The following MLXIP variants were observed in gnomAD, a reference collection of about 807,000 sequenced individuals.
MLXIP encodes MLX interacting protein.
MLXIP carries 30 observed loss-of-function variants against 87.2 expected under a neutral mutation model. The ratio of observed to expected loss-of-function variants is 0.34; its 90% CI spans 0.26 to 0.47. MLXIP has a LOEUF of 0.47. Ranked by LOEUF, MLXIP falls within the 20% of genes least tolerant of loss-of-function variation. MLXIP has a pLI of 1.00. For synonymous variants in MLXIP, 530 were observed against 514.0 expected (o/e 1.03, Z -0.42); for missense variants, 1,002 against 1,240.1 (o/e 0.81, Z 2.88).
intron 6 of MLXIP, among the ~76,000 whole-genome samples, 196 bp from the exon 7 acceptor site, chr12:122,130,648 C>T (rs991895494): frequency 2.6e-5 from 4 of 151,964 alleles, no homozygotes; most frequent in African/African-American, 9.7e-5. Flanking sequence ...ATTTTACCTT[C>T]CTGGCAAAAA....
chr12:122,095,413 G>C (rs1952337119), intron 1 of MLXIP, among the ~76,000 whole-genome samples: 1 of 151,992 alleles, frequency 6.6e-6, no homozygotes, highest in South Asian at 2.1e-4. Flanking sequence ...ATTTGGAAAG[G>C]TGTTGGCAAG....
In MLXIP at chr12:122,138,493, A is replaced by T. The variant is rs1953135421; in HGVS notation, c.2326A>T (p.Met776Leu). The change falls in exon 14 of 17, where the codon ATG becomes TTG. Residue 776 changes from methionine to leucine, a missense_variant. Physicochemically the swap from Met to Leu is conservative, Grantham distance 15. Transcript: ENST00000319080. Reference protein sequence around the residue: ...ITKLQQERGQMQEEARRLREE... With the variant: ...ITKLQQERGQLQEEARRLREE... The stretch of plus-strand genomic sequence containing the variant: ...CAAGCTGCAGCAGGAGAGAGGCCAG[A>T]TGCAGGAGGAGGCCCGGCGGCTGCG... 6.2e-7 allele frequency: 1 copy of T among 1,613,970 alleles called. No individual in the cohort carries two copies. The highest frequency in any genetic ancestry group is 8.5e-7 in the Non-Finnish European group (1 of 1,179,882).
chr12:122,095,127 G>T (rs1288684837), intron 1 of MLXIP, among the ~76,000 whole-genome samples: 2 of 145,416 alleles, frequency 1.4e-5, no homozygotes, highest in African/African-American at 5.1e-5. Context: ...TGGGGTGTGG[G>T]TATGTGTGTG....
At position 122,135,467 on chromosome 12, in the gene MLXIP, C is replaced by T. The variant is rs1953071433; in HGVS notation, c.1855-22C>T. Reference sequence around the variant, plus strand: ...GCTGTATATCAGCAGTCAGGGGTGACCTGTCTCCCATGTCACTGCAGGCTC... The same window carrying T: ...GCTGTATATCAGCAGTCAGGGGTGATCTGTCTCCCATGTCACTGCAGGCTC... On this transcript the variant is annotated intron_variant, in intron 10 of 16. Transcript: ENST00000319080. The surrounding 1 kb of genome is among the most constrained non-coding windows in gnomAD (Gnocchi z 5.3). 1 of 1,609,314 alleles carries T rather than the reference C, an allele frequency of 6.2e-7. No individual in the cohort carries two copies. Among genetic ancestry groups the T allele is most frequent in the African/African-American group, 1.3e-5 (1 of 74,866 alleles).
At chr12:122,094,506 GTGGTGTGTTGGTGT>G (rs1952314885) in intron 1 of MLXIP, among the ~76,000 whole-genome samples, 2 of 119,328 alleles carry the variant, frequency 1.7e-5, no homozygotes, top group South Asian at 2.9e-4. Context: ...GTCTGTGTGT[GTGGTGTGTTGGTGT>G]GTGTGTTGTG....
chr12:122,084,018 AAC>A (rs973561960), intron 1 of MLXIP, among the ~76,000 whole-genome samples: 4 of 152,082 alleles, frequency 2.6e-5, no homozygotes, highest in East Asian at 3.9e-4. Flanking sequence ...GAGATGAAAA[AAC>A]ACAGTCTCTC....
At position 122,141,716 on chromosome 12, in the gene MLXIP, G is replaced by T. The variant is rs1479712006; in HGVS notation, c.2664G>T (p.Leu888=). 6.2e-7 allele frequency: 1 copy of T among 1,613,838 alleles called. No homozygotes were observed. ...TGGTATTGAGCACGCTGCGGCAGCTGAGCACCTCCACCTCCATCCTCACAG... is the reference window on the plus strand; with the variant it reads ...TGGTATTGAGCACGCTGCGGCAGCTTAGCACCTCCACCTCCATCCTCACAG... ...RPMVLSTLRQ[L]STSTSILTDP... is the part of the protein sequence containing the mutation. The change falls in exon 17 of 17, where the codon CTG becomes CTT. Residue 888 remains leucine (L), a synonymous_variant. Transcript: ENST00000319080.
Position 122,126,905 on chromosome 12 carries a change from TCA to T in MLXIP, c.414-349_414-348del, listed in dbSNP as rs772017612. ...AACCTTTGCTCCTCCTGGAGGGCAC[TCA>T]CTGCATGCCCAGTGTTCAGTTTGTT... On this transcript the variant is annotated intron_variant, in intron 1 of 16. Coordinates refer to ENST00000319080, the MANE Select transcript of MLXIP (RefSeq NM_014938.6). 5.4e-4 allele frequency among the ~76,000 whole-genome samples: 82 copies of T among 152,300 alleles called. No homozygotes were observed. The Middle Eastern group carries it at 0.01, about 19-fold the overall frequency.
At chr12:122,093,299 T>G (rs2135909005) in intron 1 of MLXIP, among the ~76,000 whole-genome samples, 1 of 146,318 alleles carries the variant, frequency 6.8e-6, no homozygotes, top group East Asian at 2.0e-4. Flanking sequence ...GTATGTAGTG[T>G]GTGTGTGGTG....
intron 1 of MLXIP, among the ~76,000 whole-genome samples, chr12:122,104,103 T>C (rs1001376362): frequency 1.3e-5 from 2 of 152,222 alleles, no homozygotes; most frequent in Non-Finnish European, 2.9e-5. Flanking sequence ...ACTCCTTACA[T>C]TATCCCCAAC....
chr12:122,130,814 A>G (rs1317406170), intron 6 of MLXIP, 30 bp from the exon 7 acceptor site: 1 of 1,529,210 alleles, frequency 6.5e-7, no homozygotes, highest in Non-Finnish European at 9.1e-7. Flanking sequence ...TGAGAAGACA[A>G]AATGGTTCCT....
rs376767698 is a variant in MLXIP at position 122,110,902 on chromosome 12, C to A, written c.414-16354C>A. ...ACCATCCTGGCTAACATGGTGAAAC[C>A]CCGTCTCTACTAAAAATACAAAAAA... is the stretch of plus-strand genomic sequence containing the variant. On this transcript the variant is annotated intron_variant, in intron 1 of 16. Transcript: ENST00000319080. 3.8e-3 allele frequency among the ~76,000 whole-genome samples: 573 copies of A among 151,872 alleles called. 5 individuals carry two copies. The highest frequency in any genetic ancestry group is 0.013 in the African/African-American group (542 of 41,428).
chr12:122,085,821 G>A (rs1274987181), intron 1 of MLXIP, among the ~76,000 whole-genome samples: 1 of 152,138 alleles, frequency 6.6e-6, no homozygotes, highest in African/African-American at 2.4e-5. Flanking sequence ...GTGGTGGGCA[G>A]ATTAATGGCC....
chr12:122,105,741 C>A (rs1166876595), intron 1 of MLXIP, among the ~76,000 whole-genome samples: 1 of 151,780 alleles, frequency 6.6e-6, no homozygotes, highest in Non-Finnish European at 1.5e-5. Flanking sequence ...GATTGTGCCA[C>A]TGCAGTCCGG....
At chr12:122,090,054 T>C (rs1246361797) in intron 1 of MLXIP, among the ~76,000 whole-genome samples, 2 of 152,204 alleles carry the variant, frequency 1.3e-5, no homozygotes, top group African/African-American at 4.8e-5. Flanking sequence ...ACTGGAGTCA[T>C]GGTTACCAAC....
intron 1 of MLXIP, among the ~76,000 whole-genome samples, chr12:122,123,529 A>G (rs866278108): frequency 6.6e-6 from 1 of 152,194 alleles, no homozygotes; most frequent in Non-Finnish European, 1.5e-5. Flanking sequence ...GAGAGGAAGA[A>G]GAGGGGACCC....
At chr12:122,104,501 C>T (rs1449857326) in intron 1 of MLXIP, among the ~76,000 whole-genome samples, 1 of 152,002 alleles carries the variant, frequency 6.6e-6, no homozygotes, top group African/African-American at 2.4e-5. Context: ...TGCGTTTTCT[C>T]CATTCATGTG....
Position 122,079,265 on chromosome 12 carries a change from A to C in MLXIP, c.412A>C (p.Ser138Arg). ...CTTCGAGTGCATGACTTTGGCCTAC[A>C]GGTAGGGACCCCCGCGACCCCCTGA... ...KLFECMTLAYSGKLVSPKWKN... is the reference protein window; with the variant it reads ...KLFECMTLAYRGKLVSPKWKN... Residue 138 changes from serine to arginine, a missense_variant and splice_region_variant, in exon 1 of 17, where the codon AGT becomes CGT. By Grantham distance (110) the Ser-to-Arg change is moderately radical. This residue lies in a region of MLXIP where 127 missense variants were observed against 239.0 expected (regional missense o/e 0.53). Coordinates refer to ENST00000319080, the MANE Select transcript of MLXIP (RefSeq NM_014938.6). The C allele has an allele frequency of 6.5e-7, 1 of 1,549,464 alleles. No homozygotes were observed. Among genetic ancestry groups the C allele is most frequent in the Non-Finnish European group, 8.7e-7 (1 of 1,146,008 alleles).
chr12:122,113,518 T>C (rs1952636012), intron 1 of MLXIP, among the ~76,000 whole-genome samples: 1 of 152,134 alleles, frequency 6.6e-6, no homozygotes, highest in South Asian at 2.1e-4. Context: ...TCCACCCACC[T>C]CAGCCTCCCA....
Sources: gnomAD v4.1 joint callset for allele counts (sites outside exome capture counted in the v4.1 genomes callset) on GRCh38, gnomAD v4.1.1 for gene constraint, gnomAD v4.1.1 regional missense constraint, Gnocchi (gnomAD v3.1) non-coding constraint, MANE v1.5 for transcripts, NCBI Gene and HGNC (gene_info 2026-07-23, HGNC 2026-07-21) for gene names.